The following MEMO1 variants were observed in gnomAD, a reference collection of about 807,000 sequenced individuals.
MEMO1 encodes mediator of cell motility 1.
MEMO1 carries 6 observed loss-of-function variants against 45.2 expected under a neutral mutation model. The ratio of observed to expected loss-of-function variants is 0.13; its 90% CI spans 0.07 to 0.26. MEMO1 has a LOEUF of 0.26. Ranked by LOEUF, MEMO1 falls within the 10% of genes least tolerant of loss-of-function variation. MEMO1 has a pLI of 1.00. For missense variants in MEMO1, 184 were observed against 370.5 expected, an observed-to-expected ratio of 0.50 and a Z score of 4.13; for synonymous variants, 78 against 124.3, an observed-to-expected ratio of 0.63 and a Z score of 2.48.
At chr2:32,010,404 G>A (rs1029906533) in intron 1 of MEMO1, 140 bp from the exon 2 acceptor site, 2 of 415,906 alleles carry the variant, frequency 4.8e-6, no homozygotes, top group East Asian at 9.3e-5. Context: ...GGAGGAGGAA[G>A]AGGAGGAGGC....
intron 8 of MEMO1, among the ~76,000 whole-genome samples, chr2:31,876,911 C>G (rs80091570): frequency 0.011 from 1,608 of 152,266 alleles, 28 homozygotes; most frequent in African/African-American, 0.036. Context: ...GTCTAAATTA[C>G]CATAGTTTCT....
chr2:31,937,207 T>G (rs1408835232), intron 3 of MEMO1, among the ~76,000 whole-genome samples: 2 of 152,222 alleles, frequency 1.3e-5, no homozygotes, highest in African/African-American at 4.8e-5. Context: ...AGTAGATAAT[T>G]GTGCCCAAAA....
intron 2 of MEMO1, among the ~76,000 whole-genome samples, chr2:31,989,950 T>C (rs1419878346): frequency 6.6e-6 from 1 of 152,076 alleles, no homozygotes; most frequent in Non-Finnish European, 1.5e-5. Context: ...AAACCCTGTC[T>C]CTACAAAAAA....
intron 7 of MEMO1, among the ~76,000 whole-genome samples, chr2:31,885,096 T>C (rs1675988517): frequency 6.6e-6 from 1 of 152,178 alleles, no homozygotes; most frequent in Admixed American, 6.5e-5. Flanking sequence ...AATTATCTAA[T>C]AACTATATAA....
intron 2 of MEMO1, among the ~76,000 whole-genome samples, chr2:31,981,435 G>A (rs896459151): frequency 1.8e-4 from 27 of 152,140 alleles, no homozygotes; most frequent in African/African-American, 6.3e-4. Context: ...TATATTATCT[G>A]ACTTGTGGCA....
At chr2:31,939,403 A>G (rs1266206584) in intron 3 of MEMO1, among the ~76,000 whole-genome samples, 1 of 152,206 alleles carries the variant, frequency 6.6e-6, no homozygotes, top group Admixed American at 6.5e-5. Context: ...GGAAATCAAC[A>G]TATTTGTAAT....
intron 6 of MEMO1, among the ~76,000 whole-genome samples, chr2:31,914,490 A>G (rs1478689095): frequency 6.6e-6 from 1 of 152,230 alleles, no homozygotes; most frequent in Non-Finnish European, 1.5e-5. Flanking sequence ...CTAAAAGAAT[A>G]TAACTGGATT....
chr2:31,998,127 T>C lies in MEMO1; in HGVS notation c.61+12060A>G, dbSNP rs530862967. ...CCCAGGCACAAGCAATCCTCCCACT[T>C]CAGCCTCCACAGTATATGGGACTAT... On this transcript the variant is annotated intron_variant, in intron 2 of 9. Transcript: ENST00000404530. Among the ~76,000 whole-genome samples the C allele has an allele frequency of 4.0e-3, 606 of 152,280 alleles. 2 individuals carry two copies. The highest frequency in any genetic ancestry group is 7.2e-3 in the Non-Finnish European group (492 of 68,014).
At chr2:31,912,007 T>A (rs142223314) in intron 6 of MEMO1, among the ~76,000 whole-genome samples, 1 of 152,176 alleles carries the variant, frequency 6.6e-6, no homozygotes, top group Non-Finnish European at 1.5e-5. Context: ...CCTAACTGAA[T>A]CTGAATTGAA....
At chr2:31,997,736 T>A (rs1310591497) in intron 2 of MEMO1, among the ~76,000 whole-genome samples, 1 of 152,192 alleles carries the variant, frequency 6.6e-6, no homozygotes, top group African/African-American at 2.4e-5. Context: ...GGTCATAGTA[T>A]GTAAGACCTT....
At chr2:31,983,891 C>A (rs75283868) in intron 2 of MEMO1, among the ~76,000 whole-genome samples, 310 of 152,208 alleles carry the variant, frequency 2.0e-3, no homozygotes, top group African/African-American at 7.2e-3. Flanking sequence ...ATGGAACATG[C>A]CAAAAGGATT....
At position 31,872,442 on chromosome 2, in the gene MEMO1, C is replaced by T. The variant is rs181499479; in HGVS notation, c.658-2490G>A. On this transcript the variant is annotated intron_variant, in intron 8 of 9. Coordinates refer to ENST00000404530, the MANE Select transcript of MEMO1 (RefSeq NM_001301833.4). ...TAATAAATAATGTGACACTGAGATT[C>T]TAATGTACATTTTAATATTAAAATC... is the stretch of plus-strand genomic sequence containing the variant. Among the ~76,000 whole-genome samples the T allele has an allele frequency of 2.7e-3, 407 of 152,216 alleles. 6 individuals carry two copies. Among genetic ancestry groups the T allele is most frequent in the African/African-American group, 9.5e-3 (396 of 41,534 alleles).
At chr2:31,948,201 G>A (rs1666404275) in intron 2 of MEMO1, among the ~76,000 whole-genome samples, 1 of 152,212 alleles carries the variant, frequency 6.6e-6, no homozygotes, top group Non-Finnish European at 1.5e-5. Context: ...AAATGAAGGT[G>A]TAGATAAAGA....
chr2:31,989,718 T>C (rs1297059401), intron 2 of MEMO1, among the ~76,000 whole-genome samples: 2 of 152,222 alleles, frequency 1.3e-5, no homozygotes, highest in East Asian at 1.9e-4. Flanking sequence ...ATGTAACTTA[T>C]CAACTATATC....
intron 4 of MEMO1, among the ~76,000 whole-genome samples, chr2:31,926,135 G>C (rs999514611): frequency 6.6e-6 from 1 of 152,124 alleles, no homozygotes; most frequent in African/African-American, 2.4e-5. Flanking sequence ...GGGAGGCTGA[G>C]GTGGGAGGAC....
At chr2:31,897,081 G>C (rs534029689) in intron 6 of MEMO1, among the ~76,000 whole-genome samples, 8 of 152,286 alleles carry the variant, frequency 5.3e-5, no homozygotes, top group African/African-American at 1.9e-4. Flanking sequence ...TGTATCCTGA[G>C]ACTTCACTGA....
At chr2:31,959,674 T>C (rs958598455) in intron 2 of MEMO1, among the ~76,000 whole-genome samples, 2 of 151,978 alleles carry the variant, frequency 1.3e-5, no homozygotes, top group African/African-American at 4.8e-5. Flanking sequence ...AAAATGAAGG[T>C]AGTTAAACTT....
In MEMO1 at chr2:31,918,032, C is replaced by A; in HGVS notation, c.331G>T (p.Gly111Ter). 1 of 1,605,200 alleles carries A rather than the reference C, an allele frequency of 6.2e-7. No individual in the cohort carries two copies. The change falls in exon 6 of 10, where the codon GGA becomes TGA. Residue 111 changes from glycine (G) to a stop codon, truncating the protein, a stop_gained. Transcript: ENST00000404530. LOFTEE classifies it high-confidence loss of function. ...AACATTCCTGTCTTCCACAGTTCTC[C>A]GTAAACTAAAGAGATTTCAAAATAC... Reference protein sequence around the residue: ...YDLRIDQKIYGELWKTGMFER... With the variant: ...YDLRIDQKIY
chr2:31,965,566 A>C (rs1668521783), intron 2 of MEMO1, among the ~76,000 whole-genome samples: 2 of 152,160 alleles, frequency 1.3e-5, no homozygotes, highest in African/African-American at 4.8e-5. Flanking sequence ...ATGAAGATAA[A>C]GCCAGAAATA....
Sources: allele counts gnomAD v4.1 joint callset (sites outside exome capture counted in the v4.1 genomes callset), GRCh38; gene constraint gnomAD v4.1.1; transcripts MANE v1.5; gene names NCBI Gene and HGNC (gene_info 2026-07-23, HGNC 2026-07-21).